Variants in MAP3K5 observed in about 807,000 individuals in gnomAD.
MAP3K5 encodes the protein mitogen-activated protein kinase kinase kinase 5, also known as ASK-1.
MAP3K5 carries 56 observed loss-of-function variants against 158.7 expected under a neutral mutation model. That is an observed-to-expected ratio of 0.35 (90% CI 0.28 to 0.44). MAP3K5 has a LOEUF of 0.44. MAP3K5 is among the 20% of genes least tolerant of loss of function. The pLI is 1.00. For missense variants in MAP3K5, 1,294 were observed against 1,674.8 expected (o/e 0.77, Z 3.97); for synonymous variants, 579 against 601.7 (o/e 0.96, Z 0.55).
At chr6:136,663,628 G>A (rs996438273) in intron 8 of MAP3K5, among the ~76,000 whole-genome samples, 54 of 117,942 alleles carry the variant, frequency 4.6e-4, no homozygotes, top group African/African-American at 2.2e-3. Flanking sequence ...TTTTTTTTTG[G>A]AGAAAGAATC....
rs772595949 is a variant in MAP3K5 at position 136,656,328 on chromosome 6, A to G, written c.1659T>C (p.Asp553=). 5.0e-6 allele frequency: 8 copies of G among 1,613,878 alleles called. No individual in the cohort carries two copies. The highest frequency in any genetic ancestry group is 6.8e-6 in the Non-Finnish European group (8 of 1,179,908). Residue 553 remains aspartate (D), a synonymous_variant, in exon 10 of 30, where the codon GAT becomes GAC. Coordinates refer to ENST00000359015, the MANE Select transcript of MAP3K5 (RefSeq NM_005923.4). ...MDFLVEATKT[D]VTVVRFPVLI... is the part of the protein sequence containing the mutation. ...TCACTGGAAACCTAACCACAGTAAC[A>G]TCTGTCTTTGTGGCCTCGACCAGGA...
In MAP3K5 at chr6:136,669,399, T is replaced by TA. The variant is rs776540001; in HGVS notation, c.1254-5dup. The TA allele has an allele frequency of 2.7e-5, 42 of 1,534,692 alleles. No individual in the cohort carries two copies. The highest frequency in any genetic ancestry group is 3.4e-4 in the Middle Eastern group (2 of 5,868). ...AGATTCAAATGCCTTTTTGAACCTA[T>TA]AAAAAACCACAAATGTACAAGTTAA... On this transcript the variant is annotated splice_polypyrimidine_tract_variant and splice_region_variant and intron_variant, in intron 7 of 29. Transcript: ENST00000359015.
intron 25 of MAP3K5, among the ~76,000 whole-genome samples, chr6:136,574,787 T>C (rs1470403703): frequency 6.8e-6 from 1 of 147,970 alleles, no homozygotes; most frequent in Non-Finnish European, 1.5e-5. Context: ...CCCCTGGGGT[T>C]CATGCCATTC....
chr6:136,724,338 A>G (rs4896218), intron 1 of MAP3K5, among the ~76,000 whole-genome samples: 77,099 of 148,312 alleles, frequency 0.52, 20,219 homozygotes, highest in African/African-American at 0.63. Flanking sequence ...AACCTCCACC[A>G]CCCGGGTTCA....
chr6:136,600,595 T>C (rs975755184), intron 21 of MAP3K5, among the ~76,000 whole-genome samples: 5 of 152,184 alleles, frequency 3.3e-5, no homozygotes, highest in African/African-American at 1.2e-4. Flanking sequence ...AAAGCCAACG[T>C]TAGAAAACAA....
At chr6:136,775,107 C>T (rs1268466211) in intron 1 of MAP3K5, among the ~76,000 whole-genome samples, 2 of 151,196 alleles carry the variant, frequency 1.3e-5, no homozygotes, top group African/African-American at 4.9e-5. Context: ...GGGCTGCTAA[C>T]AGAAATATGA....
intron 2 of MAP3K5, among the ~76,000 whole-genome samples, chr6:136,712,703 G>C (rs571969069): frequency 6.6e-6 from 1 of 152,132 alleles, no homozygotes; most frequent in Non-Finnish European, 1.5e-5. Context: ...ATCTCAACTC[G>C]AATTGTAGCT....
intron 20 of MAP3K5, 72 bp from the exon 21 acceptor site, chr6:136,601,114 A>T: frequency 6.9e-7 from 1 of 1,445,368 alleles, no homozygotes; most frequent in Non-Finnish European, 9.7e-7. Flanking sequence ...AAATCAACAA[A>T]AAATGAATGC....
chr6:136,571,872 C>A (rs942963178), intron 25 of MAP3K5, among the ~76,000 whole-genome samples: 3 of 152,332 alleles, frequency 2.0e-5, no homozygotes, highest in African/African-American at 4.8e-5. Flanking sequence ...ACATTCCCAA[C>A]AACAGTGTAC....
intron 7 of MAP3K5, among the ~76,000 whole-genome samples, chr6:136,675,596 T>C (rs1472354977): frequency 1.3e-5 from 2 of 152,116 alleles, no homozygotes; most frequent in Non-Finnish European, 2.9e-5. Context: ...TGTTGTTATA[T>C]ATAAGGTAAT....
intron 18 of MAP3K5, among the ~76,000 whole-genome samples, chr6:136,605,576 A>C (rs1776065720): frequency 6.6e-6 from 1 of 152,232 alleles, no homozygotes; most frequent in African/African-American, 2.4e-5. Flanking sequence ...TGACATAAAA[A>C]TACTTTACCC....
intron 2 of MAP3K5, among the ~76,000 whole-genome samples, chr6:136,717,343 A>T (rs1781571961): frequency 6.6e-6 from 1 of 152,168 alleles, no homozygotes; most frequent in Non-Finnish European, 1.5e-5. Context: ...CAGGAGCTTA[A>T]ATTAAAACAA....
At position 136,651,104 on chromosome 6, in the gene MAP3K5, C is replaced by A; in HGVS notation, c.1681-13G>T. On this transcript the variant is annotated splice_polypyrimidine_tract_variant and intron_variant, in intron 10 of 29. Transcript: ENST00000359015. ...CTAATATTAATACCTTGAAAAGATA[C>A]GGCAAAGAAACTAATATCAGTGACT... 1 of 1,424,498 alleles carries A rather than the reference C, an allele frequency of 7.0e-7. No homozygotes were observed. Among genetic ancestry groups the A allele is most frequent in the East Asian group, 2.3e-5 (1 of 43,416 alleles). The allele number at this position is 1,424,498 out of a possible 1,614,324, so 88.2% of individuals were successfully genotyped here. A position where few individuals can be genotyped will look rare whatever the true frequency, so the allele number is the denominator to read the frequency against.
chr6:136,629,300 A>C (rs1432046808), intron 14 of MAP3K5: 1 of 152,218 alleles, frequency 6.6e-6, no homozygotes. Flanking sequence ...TCAAAGACCC[A>C]AATGGCAGCT....
At chr6:136,667,210 C>T (rs1411073944) in intron 8 of MAP3K5, among the ~76,000 whole-genome samples, 9 of 151,900 alleles carry the variant, frequency 5.9e-5, no homozygotes, top group African/African-American at 1.7e-4. Flanking sequence ...CAAAATAGAA[C>T]ATATATACTG....
chr6:136,613,289 T>C lies in MAP3K5; in HGVS notation c.2279-33A>G. 6.3e-7 allele frequency: 1 copy of C among 1,589,366 alleles called. No homozygotes were observed. The highest frequency in any genetic ancestry group is 8.6e-7 in the Non-Finnish European group (1 of 1,165,520). On this transcript the variant is annotated intron_variant, in intron 16 of 29. Transcript: ENST00000359015. The surrounding 1 kb of genome is among the most constrained non-coding windows in gnomAD (Gnocchi z 4.0). ...GTAGGGATAAATAGTAAATAAATCCTCATTCAAATGAGCTCTTTAAAGTGT... is the reference window on the plus strand; with the variant it reads ...GTAGGGATAAATAGTAAATAAATCCCCATTCAAATGAGCTCTTTAAAGTGT...
intron 2 of MAP3K5, among the ~76,000 whole-genome samples, chr6:136,711,535 A>G (rs1781307818): frequency 6.6e-6 from 1 of 151,926 alleles, no homozygotes; most frequent in African/African-American, 2.4e-5. Context: ...GTGTAGCAGC[A>G]TGTGCCTATA....
chr6:136,613,180 C>T lies in MAP3K5; in HGVS notation c.2355G>A (p.Lys785=). 6 of 1,613,158 alleles carry T rather than the reference C, an allele frequency of 3.7e-6. No individual in the cohort carries two copies. The highest frequency in any genetic ancestry group is 5.1e-6 in the Non-Finnish European group (6 of 1,179,598). Residue 785 remains lysine, a synonymous_variant, in exon 17 of 30, where the codon AAG becomes AAA. Transcript: ENST00000359015. This position sits in a 1 kb window ranked among gnomAD's most constrained non-coding sequence, Gnocchi z 4.0. ...GATATTTTAATCCTTCCAGTATTTG[C>T]TTTGTATAAAAGCCAATTGTTTGCT... The part of the protein sequence containing the change: ...DNEQTIGFYT[K]QILEGLKYLH...
At chr6:136,721,266 A>G (rs1781738567) in intron 1 of MAP3K5, among the ~76,000 whole-genome samples, 1 of 152,120 alleles carries the variant, frequency 6.6e-6, no homozygotes, top group African/African-American at 2.4e-5. Context: ...GCAGTAACAT[A>G]TATAAAACGA....
Sources: gnomAD v4.1 joint callset for allele counts (sites outside exome capture counted in the v4.1 genomes callset) on GRCh38, gnomAD v4.1.1 for gene constraint, Gnocchi (gnomAD v3.1) non-coding constraint, MANE v1.5 for transcripts, NCBI Gene and HGNC (gene_info 2026-07-23, HGNC 2026-07-21) for gene names.